The following GEMIN5 variants were observed in gnomAD, a reference collection of about 807,000 sequenced individuals.
GEMIN5 encodes the protein gem nuclear organelle associated protein 5.
A neutral mutation model predicts 176.9 loss-of-function variants in GEMIN5; 124 were observed. The observed-to-expected ratio is 0.70, with a 90% CI of 0.61 to 0.81. The LOEUF (loss-of-function observed/expected upper bound fraction) is 0.81, where lower values mean the gene tolerates loss of function less well. Among genes scored for constraint, GEMIN5 ranks in the 40% least tolerant of loss-of-function variants. The probability of loss-of-function intolerance (pLI) is 0.00; values close to 1 mark genes in which losing one functional copy is unlikely to be tolerated. For synonymous variants in GEMIN5, 673 were observed against 665.2 expected (o/e 1.01, Z -0.18); for missense variants, 1,843 against 1,814.6 (o/e 1.02, Z -0.28).
In GEMIN5 at chr5:154,927,486, A is replaced by T; in HGVS notation, c.979T>A (p.Ser327Thr). Residue 327 changes from serine (S) to threonine (T), a missense_variant, in exon 7 of 28, where the codon TCA (serine) becomes ACA (threonine). Ser to Thr is a moderately conservative substitution (Grantham distance 58, BLOSUM62 1). Coordinates refer to ENST00000285873, the MANE Select transcript of GEMIN5 (RefSeq NM_015465.5). ...WRRKYTLFSA[S>T]SEGQNHSRIV... ...CTTGAATGATTTTGCCCTTCTGATG[A>T]GGCACTGAAGAGGGTGTATTTCCGT... 6.2e-7 allele frequency: 1 copy of T among 1,609,370 alleles called. No individual in the cohort carries two copies. Among genetic ancestry groups the T allele is most frequent in the Non-Finnish European group, 8.5e-7 (1 of 1,175,596 alleles).
chr5:154,924,638 C>G, intron 8 of GEMIN5, 84 bp from the exon 9 acceptor site: 1 of 812,298 alleles, frequency 1.2e-6, no homozygotes, highest in Non-Finnish European at 2.1e-6. Flanking sequence ...TTTAAGCATC[C>G]AAAGGGAAAA....
At chr5:154,934,428 C>T (rs1300322477) in intron 3 of GEMIN5, among the ~76,000 whole-genome samples, 26 of 152,232 alleles carry the variant, frequency 1.7e-4, no homozygotes, top group East Asian at 1.9e-4. Context: ...TTGCCCACCT[C>T]GGCCTCTCAA....
At position 154,938,014 on chromosome 5, in the gene GEMIN5, GC is replaced by G; in HGVS notation, c.119del (p.Arg40ProfsTer18). The G allele has an allele frequency of 6.4e-7, 1 of 1,569,088 alleles. No homozygotes were observed. Among genetic ancestry groups the G allele is most frequent in the Admixed American group, 1.9e-5 (1 of 53,998 alleles). ...FAARTSVFLV[R>X]VGPGAGESPG... ...GACTCTCGCCTGCGCCCGGGCCCACGCGGACAAGGAAGACGGAGGTCCGCGC... is the reference window on the plus strand; with the variant it reads ...GACTCTCGCCTGCGCCCGGGCCCACGGGACAAGGAAGACGGAGGTCCGCGC... On this transcript the variant is annotated frameshift_variant, in exon 1 of 28. Transcript: ENST00000285873. LOFTEE classifies it high-confidence loss of function.
intron 3 of GEMIN5, 88 bp downstream of exon 3, chr5:154,935,752 GA>G: frequency 1.1e-6 from 1 of 889,158 alleles, no homozygotes; most frequent in African/African-American, 1.7e-5. Context: ...GGTTTCCTTT[GA>G]GGAATAAAAG....
chr5:154,917,687 G>A (rs1211111561), intron 12 of GEMIN5, among the ~76,000 whole-genome samples: 1 of 152,212 alleles, frequency 6.6e-6, no homozygotes, highest in Non-Finnish European at 1.5e-5. Context: ...TGACCATTTT[G>A]TGAGGGACAA....
chr5:154,920,622 C>A (rs890687215), intron 10 of GEMIN5, among the ~76,000 whole-genome samples: 5 of 152,188 alleles, frequency 3.3e-5, no homozygotes, highest in Admixed American at 3.3e-4. Flanking sequence ...ACTTTTACCA[C>A]TGGTAGATCA....
chr5:154,917,042 G>A lies in GEMIN5; in HGVS notation c.1811C>T (p.Ser604Phe), dbSNP rs142769106. The A allele has an allele frequency of 3.1e-4, 505 of 1,605,026 alleles. No individual in the cohort carries two copies. Among genetic ancestry groups the A allele is most frequent in the Non-Finnish European group, 4.1e-4 (486 of 1,173,450 alleles). ...PELSYLMASG[S>F]NNAVIYVHNL... ...GTGCACGTAAATGACTGCATTGTTG[G>A]AGCCAGAGGCCATCAGATAGCTCAA... Residue 604 changes from serine (S) to phenylalanine (F), a missense_variant, in exon 13 of 28, where the codon TCC becomes TTC. Transcript: ENST00000285873.
At position 154,896,016 on chromosome 5, in the gene GEMIN5, C is replaced by T. The variant is rs1763342756; in HGVS notation, c.3597+76G>A. The T allele has an allele frequency of 2.6e-6, 4 of 1,528,254 alleles. No homozygotes were observed. The African/African-American group carries it at 4.2e-5, about 16-fold the overall frequency. The allele number at this position is 1,528,254 out of a possible 1,614,324, so 94.7% of individuals were successfully genotyped here. A position where few individuals can be genotyped will look rare whatever the true frequency, so the allele number is the denominator to read the frequency against. On this transcript the variant is annotated intron_variant, in intron 24 of 27. Coordinates refer to ENST00000285873, the MANE Select transcript of GEMIN5 (RefSeq NM_015465.5). ...CACAGTCCAGTATTCTGCTTGTTTC[C>T]CCGTTACAATAGACATGGATTAAGG...
intron 14 of GEMIN5, 94 bp downstream of exon 14, chr5:154,912,805 G>T: frequency 9.4e-7 from 1 of 1,066,630 alleles, no homozygotes; most frequent in Non-Finnish European, 1.3e-6. Context: ...ATGATAATGG[G>T]GGAGGGGGAA....
At chr5:154,902,482 C>G (rs752231245) in intron 20 of GEMIN5, 57 bp downstream of exon 20, 24 of 1,540,670 alleles carry the variant, frequency 1.6e-5, no homozygotes, top group Non-Finnish European at 2.1e-5. Context: ...CTTTAGTGGA[C>G]GTATCCTAGA....
At chr5:154,902,706 G>C (rs763071684) in intron 19 of GEMIN5, 30 bp from the exon 20 acceptor site, 2 of 1,609,030 alleles carry the variant, frequency 1.2e-6, no homozygotes, top group East Asian at 4.5e-5. Flanking sequence ...TGTTTGGAAG[G>C]TGTTTCAGAA....
chr5:154,927,819 G>A (rs112384346), intron 6 of GEMIN5, among the ~76,000 whole-genome samples: 1,608 of 152,090 alleles, frequency 0.011, 10 homozygotes, highest in Middle Eastern at 0.034. Context: ...AAGTGAGACC[G>A]TCCCTACAAA....
rs774623697 is a variant in GEMIN5 at position 154,938,158 on chromosome 5, G to C, written c.-25C>G. On this transcript the variant is annotated 5_prime_UTR_variant, in exon 1 of 28. Coordinates refer to ENST00000285873, the MANE Select transcript of GEMIN5 (RefSeq NM_015465.5). The stretch of plus-strand genomic sequence containing the variant: ...TAACTACAAGCCGTCAGAGACAAGA[G>C]AAGCTGCCACAGCCGACCGCTCGTA... 1 of 1,351,510 alleles carries C rather than the reference G, an allele frequency of 7.4e-7. No homozygotes were observed. The highest frequency in any genetic ancestry group is 3.5e-5 in the Admixed American group (1 of 28,864). The allele number at this position is 1,351,510 out of a possible 1,614,324, so 83.7% of individuals were successfully genotyped here. A position where few individuals can be genotyped will look rare whatever the true frequency, so the allele number is the denominator to read the frequency against.
chr5:154,925,013 C>A (rs1256785351), intron 8 of GEMIN5, among the ~76,000 whole-genome samples: 1 of 151,456 alleles, frequency 6.6e-6, no homozygotes, highest in African/African-American at 2.4e-5. Context: ...AACAAAACAA[C>A]AAAAAAAACA....
chr5:154,901,797 C>CG, intron 20 of GEMIN5, among the ~76,000 whole-genome samples: 1 of 147,694 alleles, frequency 6.8e-6, no homozygotes, highest in Non-Finnish European at 1.5e-5. Context: ...TTTTTTTTTC[C>CG]CTTTCCTTTT....
intron 18 of GEMIN5, among the ~76,000 whole-genome samples, chr5:154,903,749 G>A (rs914603034): frequency 2.6e-5 from 4 of 152,014 alleles, no homozygotes; most frequent in African/African-American, 9.7e-5. Flanking sequence ...GACAGTAACC[G>A]GGAGGGAGGA....
intron 5 of GEMIN5, among the ~76,000 whole-genome samples, chr5:154,930,840 AAAAAT>A (rs778471750): frequency 6.2e-4 from 95 of 152,356 alleles, no homozygotes; most frequent in African/African-American, 1.7e-3. Context: ...AACTGCCAAA[AAAAAT>A]AAAATAAAAT....
rs1315948911 is a variant in GEMIN5, at chr5:154,933,722, C to A, written c.510-1472G>T. On this transcript the variant is annotated intron_variant, in intron 3 of 27. Coordinates refer to ENST00000285873, the MANE Select transcript of GEMIN5 (RefSeq NM_015465.5). ...AAAAGAAACACTAGAGTATGTCAACCTTTGAAGACCCGGACTTTGAAAACT... is the reference window on the plus strand; with the variant it reads ...AAAAGAAACACTAGAGTATGTCAACATTTGAAGACCCGGACTTTGAAAACT... 2.0e-5 allele frequency among the ~76,000 whole-genome samples: 3 copies of A among 152,140 alleles called. No homozygotes were observed. The East Asian group carries it at 5.8e-4, about 29-fold the overall frequency.
In GEMIN5 at chr5:154,928,519, A is replaced by G. The variant is rs763524270; in HGVS notation, c.914+8T>C. ...ATATCTGAGAAAGCATGACCAAAAA[A>G]GACTTACCCAAAACAGCTAGATACC... On this transcript the variant is annotated splice_region_variant and intron_variant, in intron 6 of 27. Coordinates refer to ENST00000285873, the MANE Select transcript of GEMIN5 (RefSeq NM_015465.5). 1.9e-6 allele frequency: 3 copies of G among 1,613,502 alleles called. No individual in the cohort carries two copies. Among genetic ancestry groups the G allele is most frequent in the East Asian group, 2.2e-5 (1 of 44,878 alleles).
Sources: gnomAD v4.1 joint callset for allele counts (sites outside exome capture counted in the v4.1 genomes callset) on GRCh38, gnomAD v4.1.1 for gene constraint, MANE v1.5 for transcripts, NCBI Gene and HGNC (gene_info 2026-07-23, HGNC 2026-07-21) for gene names.